SLC7A6OS: variants seen among roughly 807,000 people sequenced by gnomAD.
SLC7A6OS encodes the protein probable RNA polymerase II nuclear localization protein SLC7A6OS.
A neutral mutation model predicts 34.3 loss-of-function variants in SLC7A6OS; 22 were observed. The observed-to-expected ratio is 0.64, with a 90% CI of 0.46 to 0.92. The LOEUF is 0.92. SLC7A6OS is among the 40% of genes least tolerant of loss of function. The pLI, the probability that SLC7A6OS is intolerant of heterozygous loss-of-function variation, is 0.00. For synonymous variants in SLC7A6OS, 199 were observed against 165.0 expected, an observed-to-expected ratio of 1.21 and a Z score of -1.58; for missense variants, 434 against 407.7, an observed-to-expected ratio of 1.06 and a Z score of -0.56.
rs1235682319 is a variant in SLC7A6OS at position 68,304,252 on chromosome 16, TAC to T, written c.472-22_472-21del. The T allele has an allele frequency of 6.9e-6, 11 of 1,605,160 alleles. No homozygotes were observed. In the East Asian group the frequency reaches 1.1e-4, roughly 16 times the overall value. On this transcript the variant is annotated intron_variant, in intron 2 of 4. Coordinates refer to ENST00000263997, the MANE Select transcript of SLC7A6OS (RefSeq NM_032178.3). Reference sequence around the variant, plus strand: ...AGATGTCTGTAAAGAAACCACAGATTACACACACACGCATGACCCAAAACATG... The same window carrying T: ...AGATGTCTGTAAAGAAACCACAGATTACACACACGCATGACCCAAAACATG...
At chr16:68,306,971 T>C (rs1318132965) in intron 2 of SLC7A6OS, among the ~76,000 whole-genome samples, 1 of 152,186 alleles carries the variant, frequency 6.6e-6, no homozygotes, top group Non-Finnish European at 1.5e-5. Context: ...TCCCAAAGTA[T>C]TGGGATTACA....
In SLC7A6OS at chr16:68,301,333, G is replaced by GGGTACTTGCTCCACATCCGCTGTCT; in HGVS notation, c.847_871dup (p.Pro291GlnfsTer19). 4 of 1,614,146 alleles carry GGGTACTTGCTCCACATCCGCTGTCT rather than the reference G, an allele frequency of 2.5e-6. No individual in the cohort carries two copies. Among genetic ancestry groups the GGGTACTTGCTCCACATCCGCTGTCT allele is most frequent in the Non-Finnish European group, 3.4e-6 (4 of 1,180,014 alleles). On this transcript the variant is annotated frameshift_variant, in exon 5 of 5. Transcript: ENST00000263997. LOFTEE classifies it high-confidence loss of function. ...GCCGAACTCCTTCTGCACATCCAGA[G>GGGTACTTGCTCCACATCCGCTGTCT]GGTACTTGCTCCACATCCGCTGTCT...
chr16:68,308,598 G>A (rs2043343731), intron 2 of SLC7A6OS, among the ~76,000 whole-genome samples: 1 of 152,168 alleles, frequency 6.6e-6, no homozygotes, highest in African/African-American at 2.4e-5. Flanking sequence ...CTGCACTACA[G>A]CCTGGGCGAC....
chr16:68,300,581 T>C lies in SLC7A6OS; in HGVS notation c.*694A>G, dbSNP rs1012003732. On this transcript the variant is annotated 3_prime_UTR_variant, in exon 5 of 5. Coordinates refer to ENST00000263997, the MANE Select transcript of SLC7A6OS (RefSeq NM_032178.3). ...TCACTACCGCTCCCTGTTTTAGATA[T>C]TCAGATTTAAAAGGTTTTCAAAGAA... is the stretch of plus-strand genomic sequence containing the variant. The C allele has an allele frequency of 1.0e-6, 1 of 974,458 alleles. No homozygotes were observed. The allele number at this position is 974,458 out of a possible 1,614,324, so 60.4% of individuals were successfully genotyped here.
chr16:68,302,196 T>C, intron 4 of SLC7A6OS, 185 bp downstream of exon 4: 1 of 640,422 alleles, frequency 1.6e-6, no homozygotes, highest in Non-Finnish European at 2.7e-6. Flanking sequence ...TGATGGATTA[T>C]TACACCCCCA....
chr16:68,301,662 T>C (rs1292504313), intron 4 of SLC7A6OS: 1 of 293,648 alleles, frequency 3.4e-6, no homozygotes, highest in Non-Finnish European at 6.3e-6. Context: ...CTCCCCTCCG[T>C]ATAGGATTTT....
intron 4 of SLC7A6OS, chr16:68,301,634 T>C (rs143048521): frequency 0.023 from 8,124 of 358,702 alleles, 169 homozygotes; most frequent in Non-Finnish European, 0.027. Flanking sequence ...CTCCCCTCCG[T>C]GGAGTATTTT....
At position 68,310,584 on chromosome 16, in the gene SLC7A6OS, T is replaced by G. The variant is rs943553852; in HGVS notation, c.222A>C (p.Glu74Asp). The G allele has an allele frequency of 1.9e-6, 3 of 1,594,034 alleles. No individual in the cohort carries two copies. The African/African-American group carries it at 4.0e-5, about 21-fold the overall frequency. ...GGCTGTCCCGTGACGGGCGCAGAAC[T>G]TCCCGCAGGAGAGGCTGGACTGGTT... is the stretch of plus-strand genomic sequence containing the variant. ...QEEPVQPLLR[E>D]VLRPSRDSQQ... The change falls in exon 2 of 5, where the codon GAA becomes GAC. Residue 74 changes from glutamate (E) to aspartate (D), a missense_variant. Physicochemically the swap from Glu to Asp is conservative, Grantham distance 45. Coordinates refer to ENST00000263997, the MANE Select transcript of SLC7A6OS (RefSeq NM_032178.3).
Position 68,300,836 on chromosome 16 carries a change from C to A in SLC7A6OS, c.*439G>T, listed in dbSNP as rs559227419. 2 of 986,614 alleles carry A rather than the reference C, an allele frequency of 2.0e-6. No homozygotes were observed. Among genetic ancestry groups the A allele is most frequent in the Non-Finnish European group, 2.4e-6 (2 of 830,842 alleles). 61.1% of individuals were successfully genotyped at this position (986,614 alleles called of 1,614,324 possible). On this transcript the variant is annotated 3_prime_UTR_variant, in exon 5 of 5. Coordinates refer to ENST00000263997, the MANE Select transcript of SLC7A6OS (RefSeq NM_032178.3). ...ATTGCTACAAGGGACCCACTGGTAC[C>A]CCTTTTAGATTCTATCAAAAGGAAC...
In SLC7A6OS at chr16:68,298,081, AC is replaced by A. The variant is rs1353550606; in HGVS notation, c.*3193del. 1 of 152,666 alleles carries A rather than the reference AC, an allele frequency of 6.6e-6. No individual in the cohort carries two copies. Among genetic ancestry groups the A allele is most frequent in the Non-Finnish European group, 1.5e-5 (1 of 68,042 alleles). The allele number at this position is 152,666 out of a possible 1,614,324, so 9.5% of individuals were successfully genotyped here. A position where few individuals can be genotyped will look rare whatever the true frequency, so the allele number is the denominator to read the frequency against. On this transcript the variant is annotated 3_prime_UTR_variant, in exon 5 of 5. Coordinates refer to ENST00000263997, the MANE Select transcript of SLC7A6OS (RefSeq NM_032178.3). ...TCACGTACCTGTTACACTTTAGCAT[AC>A]AGATAGATCATAGATCACGTTACAA...
intron 3 of SLC7A6OS, among the ~76,000 whole-genome samples, chr16:68,302,923 G>A (rs1597020970): frequency 1.3e-5 from 2 of 152,342 alleles, no homozygotes; most frequent in South Asian, 4.1e-4. Flanking sequence ...TATAGTCTGA[G>A]CATGACCATT....
intron 2 of SLC7A6OS, among the ~76,000 whole-genome samples, chr16:68,306,513 G>A (rs577693859): frequency 9.9e-5 from 15 of 151,766 alleles, no homozygotes; most frequent in East Asian, 3.9e-4. Flanking sequence ...CACCGCGCCC[G>A]GCCTATTATT....
Position 68,310,346 on chromosome 16 carries a change from C to A in SLC7A6OS, c.460G>T (p.Gly154Cys). ...AGGGGCATACTCACTTTGCAGGAGC[C>A]TGCAGAGGCGGCTTCAGGTTCTCCC... ...EEGEPEAASA[G>C]SCKTSDPDVI... The change falls in exon 2 of 5, where the codon GGC (glycine) becomes TGC (cysteine). Residue 154 changes from glycine to cysteine, a missense_variant. By Grantham distance (159) the Gly-to-Cys change is radical. Transcript: ENST00000263997. The A allele has an allele frequency of 6.2e-7, 1 of 1,604,654 alleles. No individual in the cohort carries two copies. The highest frequency in any genetic ancestry group is 8.5e-7 in the Non-Finnish European group (1 of 1,173,450).
Position 68,300,543 on chromosome 16 carries a change from T to A in SLC7A6OS, c.*732A>T. The A allele has an allele frequency of 1.1e-6, 1 of 887,894 alleles. No individual in the cohort carries two copies. The highest frequency in any genetic ancestry group is 1.3e-6 in the Non-Finnish European group (1 of 741,032). 55.0% of individuals were successfully genotyped at this position (887,894 alleles called of 1,614,324 possible). A position where few individuals can be genotyped will look rare whatever the true frequency, so the allele number is the denominator to read the frequency against. ...AGTCCTTGGTATTTATAATCAATGCTGAACCTTCTATTTCACTACCGCTCC... is the reference window on the plus strand; with the variant it reads ...AGTCCTTGGTATTTATAATCAATGCAGAACCTTCTATTTCACTACCGCTCC... On this transcript the variant is annotated 3_prime_UTR_variant, in exon 5 of 5. Coordinates refer to ENST00000263997, the MANE Select transcript of SLC7A6OS (RefSeq NM_032178.3).
chr16:68,306,599 AC>A (rs751916878), intron 2 of SLC7A6OS, among the ~76,000 whole-genome samples: 2 of 151,624 alleles, frequency 1.3e-5, no homozygotes, highest in Admixed American at 6.6e-5. Context: ...TTCTGTTTCA[AC>A]CTCCTGAGTA....
At chr16:68,301,847 C>G (rs1469728444) in intron 4 of SLC7A6OS, 1 of 159,126 alleles carries the variant, frequency 6.3e-6, no homozygotes, top group Admixed American at 6.3e-5. Flanking sequence ...AATATAGTTA[C>G]TACGGGAATT....
Position 68,300,582 on chromosome 16 carries a change from T to G in SLC7A6OS, c.*693A>C, listed in dbSNP as rs571120042. 6.4e-4 allele frequency: 628 copies of G among 974,066 alleles called. No homozygotes were observed. The highest frequency in any genetic ancestry group is 7.2e-4 in the Non-Finnish European group (587 of 819,578). 60.3% of individuals were successfully genotyped at this position (974,066 alleles called of 1,614,324 possible). A position where few individuals can be genotyped will look rare whatever the true frequency, so the allele number is the denominator to read the frequency against. On this transcript the variant is annotated 3_prime_UTR_variant, in exon 5 of 5. Transcript: ENST00000263997. Reference sequence around the variant, plus strand: ...CACTACCGCTCCCTGTTTTAGATATTCAGATTTAAAAGGTTTTCAAAGAAT... The same window carrying G: ...CACTACCGCTCCCTGTTTTAGATATGCAGATTTAAAAGGTTTTCAAAGAAT...
At chr16:68,302,251 G>A (rs1326883452) in intron 4 of SLC7A6OS, 130 bp downstream of exon 4, 7 of 1,049,868 alleles carry the variant, frequency 6.7e-6, no homozygotes, top group Admixed American at 6.0e-5. Flanking sequence ...CTACAGCATG[G>A]CTCAGTTGCG....
rs1260187872 is a variant in SLC7A6OS at position 68,298,883 on chromosome 16, C to T, written c.*2392G>A. ...CTGCTAGCTTGACATACCCCATGGG[C>T]TTATCCTTAGGTTTTGGAATTGGTC... On this transcript the variant is annotated 3_prime_UTR_variant, in exon 5 of 5. Transcript: ENST00000263997. 6.5e-6 allele frequency: 1 copy of T among 152,676 alleles called. No individual in the cohort carries two copies. Among genetic ancestry groups the T allele is most frequent in the African/African-American group, 2.4e-5 (1 of 41,440 alleles). The allele number at this position is 152,676 out of a possible 1,614,324, so 9.5% of individuals were successfully genotyped here.
Sources: allele counts gnomAD v4.1 joint callset (sites outside exome capture counted in the v4.1 genomes callset), GRCh38; gene constraint gnomAD v4.1.1; transcripts MANE v1.5; gene names NCBI Gene and HGNC (gene_info 2026-07-23, HGNC 2026-07-21).